Variants in TULP3 observed in about 807,000 individuals in gnomAD.
The protein encoded by TULP3 is TUB like protein 3, also known as tubby-related protein 3.
Under a neutral mutation model 50.7 loss-of-function variants are expected in TULP3, and 38 were observed. The ratio of observed to expected loss-of-function variants is 0.75; its 90% CI spans 0.58 to 0.98. The LOEUF is 0.98. Among genes scored for constraint, TULP3 ranks in the 50% least tolerant of loss-of-function variants. The pLI is 0.00. For missense variants in TULP3, 550 were observed against 568.0 expected, an observed-to-expected ratio of 0.97 and a Z score of 0.32; for synonymous variants, 183 against 196.6, an observed-to-expected ratio of 0.93 and a Z score of 0.58.
At chr12:2,921,373 C>CT (rs1271729681) in intron 3 of TULP3, among the ~76,000 whole-genome samples, 2 of 151,310 alleles carry the variant, frequency 1.3e-5, no homozygotes, top group Non-Finnish European at 2.9e-5. Flanking sequence ...AACTCCTGAC[C>CT]CAGGTGATCC....
chr12:2,912,779 C>T lies in TULP3; in HGVS notation c.93+3199C>T, dbSNP rs549671837. 6.6e-5 allele frequency among the ~76,000 whole-genome samples: 10 copies of T among 152,170 alleles called. No individual in the cohort carries two copies. The South Asian group carries it at 8.3e-4, about 13-fold the overall frequency. On this transcript the variant is annotated intron_variant, in intron 2 of 10. Transcript: ENST00000448120. ...CGATCGGGACATAGCTTGGTATATT[C>T]GAAATCAGAGCAGGTAGAGTTTGTA...
chr12:2,915,063 A>C (rs940123909), intron 2 of TULP3, among the ~76,000 whole-genome samples: 1 of 152,048 alleles, frequency 6.6e-6, no homozygotes, highest in Non-Finnish European at 1.5e-5. Context: ...ATCTTGGCTC[A>C]CTGCAACCTC....
Position 2,890,930 on chromosome 12 carries a change from G to T in TULP3, c.-18G>T. 6.3e-7 allele frequency: 1 copy of T among 1,593,128 alleles called. No individual in the cohort carries two copies. Among genetic ancestry groups the T allele is most frequent in the Non-Finnish European group, 8.5e-7 (1 of 1,170,098 alleles). ...GGGGAAGAGTGTGTACGTGGTGGGG[G>T]CTTCCTCGGTGGCGGGCATGGAGGC... On this transcript the variant is annotated 5_prime_UTR_variant, in exon 1 of 11. Coordinates refer to ENST00000448120, the MANE Select transcript of TULP3 (RefSeq NM_003324.5).
intron 8 of TULP3, 82 bp from the exon 9 acceptor site, chr12:2,937,549 C>A: frequency 1.0e-6 from 1 of 999,420 alleles, no homozygotes; most frequent in Non-Finnish European, 1.5e-6. Flanking sequence ...CTTACATTCC[C>A]AAGAAAGTCT....
intron 7 of TULP3, 35 bp from the exon 8 acceptor site, chr12:2,934,412 C>T: frequency 7.2e-7 from 1 of 1,386,868 alleles, no homozygotes; most frequent in Non-Finnish European, 9.7e-7. Flanking sequence ...AAAAAAAATA[C>T]AGATCATCAT....
rs1382534865 is a variant in TULP3, at chr12:2,939,489, G to A, written c.*45G>A. On this transcript the variant is annotated 3_prime_UTR_variant, in exon 11 of 11. Transcript: ENST00000448120. The surrounding 1 kb of genome is among the most constrained non-coding windows in gnomAD (Gnocchi z 4.0). ...GCCCTTCTCCCCACAGAGCTTTCAGGAGCAGACAGTGGCCTCCCCTTCCCC... is the reference window on the plus strand; with the variant it reads ...GCCCTTCTCCCCACAGAGCTTTCAGAAGCAGACAGTGGCCTCCCCTTCCCC... 1 of 1,608,276 alleles carries A rather than the reference G, an allele frequency of 6.2e-7. No homozygotes were observed. The highest frequency in any genetic ancestry group is 8.5e-7 in the Non-Finnish European group (1 of 1,177,402).
At chr12:2,894,530 G>A (rs956092944) in intron 1 of TULP3, among the ~76,000 whole-genome samples, 3 of 110,308 alleles carry the variant, frequency 2.7e-5, no homozygotes, top group South Asian at 3.5e-4. Context: ...GCAAGACTCC[G>A]TCTCAAAAAC....
chr12:2,917,471 CA>C (rs111993395), intron 2 of TULP3, among the ~76,000 whole-genome samples: 290 of 133,334 alleles, frequency 2.2e-3, no homozygotes, highest in African/African-American at 2.9e-3. Flanking sequence ...GACTCTGTCT[CA>C]AAAAAAAAAA....
At chr12:2,930,833 G>T in intron 5 of TULP3, 1 of 635,170 alleles carries the variant, frequency 1.6e-6, no homozygotes, top group South Asian at 1.9e-5. Context: ...GTCAGCTATT[G>T]TGAGGCTTTG....
intron 2 of TULP3, among the ~76,000 whole-genome samples, chr12:2,914,139 T>G (rs975290994): frequency 6.6e-6 from 1 of 151,640 alleles, no homozygotes; most frequent in Non-Finnish European, 1.5e-5. Flanking sequence ...TTTTTTTTTT[T>G]TTGAGACGGA....
In TULP3 at chr12:2,940,316, T is replaced by C; in HGVS notation, c.*872T>C. ...GAGATGGCAGTATTGACCATTTAGT[T>C]TAGTTAAAAAAAAAAAAAAAAAGGT... is the stretch of plus-strand genomic sequence containing the variant. On this transcript the variant is annotated 3_prime_UTR_variant, in exon 11 of 11. Transcript: ENST00000448120. 7.0e-7 allele frequency: 1 copy of C among 1,425,652 alleles called. No individual in the cohort carries two copies. The highest frequency in any genetic ancestry group is 2.7e-5 in the East Asian group (1 of 36,368). 88.3% of individuals were successfully genotyped at this position (1,425,652 alleles called of 1,614,324 possible). A position where few individuals can be genotyped will look rare whatever the true frequency, so the allele number is the denominator to read the frequency against.
chr12:2,935,645 T>A (rs1359018426), intron 8 of TULP3, among the ~76,000 whole-genome samples: 1 of 152,184 alleles, frequency 6.6e-6, no homozygotes, highest in African/African-American at 2.4e-5. Flanking sequence ...CACTTTAATG[T>A]AAGGTGTCTT....
chr12:2,923,178 A>C (rs993125314), intron 4 of TULP3, among the ~76,000 whole-genome samples: 3 of 152,150 alleles, frequency 2.0e-5, no homozygotes, highest in Non-Finnish European at 4.4e-5. Context: ...TTTTATAATG[A>C]GAAGGGATTA....
chr12:2,893,914 G>C (rs966949198), intron 1 of TULP3, among the ~76,000 whole-genome samples: 3 of 152,064 alleles, frequency 2.0e-5, no homozygotes, highest in Non-Finnish European at 4.4e-5. Context: ...AAAGTGCTGG[G>C]ATTACAGGTG....
intron 2 of TULP3, among the ~76,000 whole-genome samples, chr12:2,911,090 A>C (rs990005464): frequency 2.6e-5 from 4 of 151,246 alleles, no homozygotes; most frequent in African/African-American, 9.8e-5. Flanking sequence ...ACATTTTCTG[A>C]GTTTTTTTTT....
chr12:2,914,483 TTCTG>T (rs1391629914), intron 2 of TULP3, among the ~76,000 whole-genome samples: 4 of 152,240 alleles, frequency 2.6e-5, no homozygotes, highest in East Asian at 1.9e-4. Context: ...AACATATTTC[TTCTG>T]TCTAACTGTA....
chr12:2,937,200 ATTTTTTTTTTT>A (rs771074689), intron 8 of TULP3, among the ~76,000 whole-genome samples: 14 of 54,466 alleles, frequency 2.6e-4, no homozygotes, highest in Admixed American at 7.2e-4. Context: ...GGTACACCTG[ATTTTTTTTTTT>A]TTTTTTTTTT....
chr12:2,905,212 A>T, intron 1 of TULP3, among the ~76,000 whole-genome samples: 1 of 149,322 alleles, frequency 6.7e-6, no homozygotes, highest in Non-Finnish European at 1.5e-5. Flanking sequence ...TTTGAGACAG[A>T]GTCTCGCTCT....
At chr12:2,901,210 T>C (rs1191107676) in intron 1 of TULP3, among the ~76,000 whole-genome samples, 1 of 151,238 alleles carries the variant, frequency 6.6e-6, no homozygotes, top group African/African-American at 2.4e-5. Flanking sequence ...CCTTCCTGAC[T>C]CAGGCAATCC....
Sources: gnomAD v4.1 joint callset for allele counts (sites outside exome capture counted in the v4.1 genomes callset) on GRCh38, gnomAD v4.1.1 for gene constraint, Gnocchi (gnomAD v3.1) non-coding constraint, MANE v1.5 for transcripts, NCBI Gene and HGNC (gene_info 2026-07-23, HGNC 2026-07-21) for gene names.